DCDC1: variants seen among roughly 807,000 people sequenced by gnomAD.
DCDC1 encodes the protein doublecortin domain containing 1.
A neutral mutation model predicts 178.3 loss-of-function variants in DCDC1; 200 were observed. That is an observed-to-expected ratio of 1.12 (90% confidence interval 1.00 to 1.26). The LOEUF (loss-of-function observed/expected upper bound fraction) is 1.26, where lower values mean the gene tolerates loss of function less well. Ranked by LOEUF, DCDC1 falls within the 50% of genes most tolerant of loss-of-function variation. DCDC1 has a pLI of 0.00. For missense variants in DCDC1, 1,983 were observed against 1,749.2 expected, an observed-to-expected ratio of 1.13 and a Z score of -2.38; for synonymous variants, 690 against 604.8, an observed-to-expected ratio of 1.14 and a Z score of -2.07.
intron 19 of DCDC1, 39 bp downstream of exon 19, chr11:31,064,980 A>T (rs1025098654): frequency 5.7e-6 from 4 of 698,126 alleles, no homozygotes; most frequent in Non-Finnish European, 1.0e-5. Context: ...TATATTTTAG[A>T]GAGCTATTTC....
chr11:31,108,180 T>C (rs1160312631), intron 12 of DCDC1, among the ~76,000 whole-genome samples: 2 of 152,210 alleles, frequency 1.3e-5, no homozygotes, highest in African/African-American at 2.4e-5. Context: ...AGATACGTAA[T>C]AGTATCTCCA....
At chr11:31,043,150 C>T (rs1954588553) in intron 20 of DCDC1, among the ~76,000 whole-genome samples, 2 of 152,170 alleles carry the variant, frequency 1.3e-5, no homozygotes, top group Admixed American at 6.5e-5. Flanking sequence ...ATTTGTGTAT[C>T]TAAACATAGT....
chr11:31,012,295 A>G (rs1952221554), intron 20 of DCDC1, among the ~76,000 whole-genome samples: 1 of 152,208 alleles, frequency 6.6e-6, no homozygotes, highest in African/African-American at 2.4e-5. Context: ...TGCCAGATGC[A>G]GTTGTGAAAA....
At chr11:31,291,644 C>T (rs1947237335) in intron 6 of DCDC1, among the ~76,000 whole-genome samples, 1 of 151,978 alleles carries the variant, frequency 6.6e-6, no homozygotes, top group African/African-American at 2.4e-5. Context: ...ATAATTTGCA[C>T]CTGAGCTATT....
intron 8 of DCDC1, among the ~76,000 whole-genome samples, chr11:31,246,741 G>A (rs1943594836): frequency 6.6e-6 from 1 of 152,024 alleles, no homozygotes; most frequent in Admixed American, 6.6e-5. Context: ...TGTCTCCTGT[G>A]TTGCTTGATT....
chr11:31,021,051 A>G (rs1356429110), intron 20 of DCDC1, among the ~76,000 whole-genome samples: 1 of 152,232 alleles, frequency 6.6e-6, no homozygotes, highest in Non-Finnish European at 1.5e-5. Context: ...AATCTTGCCA[A>G]TTGGCAAAGG....
intron 20 of DCDC1, among the ~76,000 whole-genome samples, chr11:30,993,621 C>T (rs959710640): frequency 1.3e-4 from 20 of 152,002 alleles, no homozygotes; most frequent in African/African-American, 4.3e-4. Flanking sequence ...AAATGAAAAA[C>T]AAGACATCAC....
At chr11:31,191,474 G>A (rs979761521) in intron 9 of DCDC1, among the ~76,000 whole-genome samples, 1 of 152,036 alleles carries the variant, frequency 6.6e-6, no homozygotes, top group African/African-American at 2.4e-5. Flanking sequence ...AGTCCTAGAG[G>A]TCCACAGACA....
At chr11:31,138,310 A>G (rs954955676) in intron 9 of DCDC1, among the ~76,000 whole-genome samples, 2 of 152,216 alleles carry the variant, frequency 1.3e-5, no homozygotes, top group African/African-American at 4.8e-5. Context: ...CTCCATTTAC[A>G]AAGCTAGATA....
At position 31,146,252 on chromosome 11, in the gene DCDC1, G is replaced by T. The variant is rs568693633; in HGVS notation, c.1222-8468C>A. On this transcript the variant is annotated intron_variant, in intron 9 of 38. Transcript: ENST00000684477. ...ATGCCTGGCTAATTTTTTTTTGTTT[G>T]TTTTTGTTTTTTTAGTAGAGATGGG... Among the ~76,000 whole-genome samples, 4 of 151,470 alleles carry T rather than the reference G, an allele frequency of 2.6e-5. No homozygotes were observed. The South Asian group carries it at 8.4e-4, about 32-fold the overall frequency.
chr11:30,996,716 C>T (rs929066097), intron 20 of DCDC1, among the ~76,000 whole-genome samples: 2 of 152,184 alleles, frequency 1.3e-5, no homozygotes, highest in African/African-American at 2.4e-5. Flanking sequence ...TGATCTTGGA[C>T]TTCCCTGCCT....
intron 11 of DCDC1, among the ~76,000 whole-genome samples, chr11:31,119,692 G>T (rs2135876485): frequency 6.6e-6 from 1 of 152,220 alleles, no homozygotes; most frequent in South Asian, 2.1e-4. Flanking sequence ...TTTTAAAAAT[G>T]ACCACAAAAT....
chr11:30,888,446 G>C (rs1196957196), intron 36 of DCDC1, among the ~76,000 whole-genome samples: 2 of 152,202 alleles, frequency 1.3e-5, no homozygotes, highest in African/African-American at 4.8e-5. Context: ...GGCTGGGCAC[G>C]GTGGCTCACG....
At chr11:30,918,452 T>C (rs1946016440) in intron 25 of DCDC1, among the ~76,000 whole-genome samples, 1 of 152,150 alleles carries the variant, frequency 6.6e-6, no homozygotes. Context: ...AATAGACAAG[T>C]AAATGAATAA....
intron 11 of DCDC1, among the ~76,000 whole-genome samples, chr11:31,113,229 AT>A (rs370579596): frequency 6.6e-6 from 1 of 152,054 alleles, no homozygotes; most frequent in Non-Finnish European, 1.5e-5. Flanking sequence ...TCCAAAGCAC[AT>A]TTTTTACTGC....
intron 2 of DCDC1, among the ~76,000 whole-genome samples, chr11:31,331,341 A>C (rs563915673): frequency 1.1e-4 from 17 of 152,262 alleles, no homozygotes; most frequent in African/African-American, 4.1e-4. Context: ...GGACAATTTG[A>C]CTTCCTCTTT....
At chr11:31,161,254 C>T (rs1014028501) in intron 9 of DCDC1, among the ~76,000 whole-genome samples, 3 of 152,016 alleles carry the variant, frequency 2.0e-5, no homozygotes, top group Non-Finnish European at 2.9e-5. Flanking sequence ...AGAAATCAAA[C>T]GGGGAGTCAA....
intron 7 of DCDC1, among the ~76,000 whole-genome samples, chr11:31,282,923 G>A (rs980158258): frequency 6.6e-6 from 1 of 152,072 alleles, no homozygotes; most frequent in South Asian, 2.1e-4. Context: ...CTTCTGTCTT[G>A]CATTATTTCT....
intron 6 of DCDC1, among the ~76,000 whole-genome samples, chr11:31,300,159 G>T (rs1029914261): frequency 1.3e-5 from 2 of 152,088 alleles, no homozygotes; most frequent in African/African-American, 4.8e-5. Flanking sequence ...CCTGGCCGAG[G>T]TGTAAACTAT....
Sources: gnomAD v4.1 joint callset for allele counts (sites outside exome capture counted in the v4.1 genomes callset) on GRCh38, gnomAD v4.1.1 for gene constraint, MANE v1.5 for transcripts, NCBI Gene and HGNC (gene_info 2026-07-23, HGNC 2026-07-21) for gene names.